MCC: variants seen among roughly 807,000 people sequenced by gnomAD.
MCC encodes MCC regulator of Wnt signaling pathway.
In MCC, 90 loss-of-function variants were observed where a neutral mutation model predicts 116.2. The observed-to-expected ratio is 0.77, with a 90% CI of 0.65 to 0.92. The LOEUF (loss-of-function observed/expected upper bound fraction) is 0.92, where lower values mean the gene tolerates loss of function less well. MCC is among the 40% of genes least tolerant of loss of function. MCC has a pLI of 0.00. For synonymous variants in MCC, 578 were observed against 510.5 expected, an observed-to-expected ratio of 1.13 and a Z score of -1.78; for missense variants, 1,516 against 1,312.2, an observed-to-expected ratio of 1.16 and a Z score of -2.40.
intron 12 of MCC, among the ~76,000 whole-genome samples, chr5:113,069,743 G>C (rs1257126151): frequency 6.6e-6 from 1 of 152,106 alleles, no homozygotes; most frequent in Non-Finnish European, 1.5e-5. Flanking sequence ...CACCATGCCT[G>C]GCTAACTTTT....
At chr5:113,090,467 T>C (rs991968871) in intron 8 of MCC, among the ~76,000 whole-genome samples, 1 of 151,792 alleles carries the variant, frequency 6.6e-6, no homozygotes, top group African/African-American at 2.4e-5. Context: ...GAGACCTCAA[T>C]AAATAATAGT....
At chr5:113,162,283 G>A (rs1760531937) in intron 3 of MCC, among the ~76,000 whole-genome samples, 1 of 152,144 alleles carries the variant, frequency 6.6e-6, no homozygotes. Flanking sequence ...AAGGACATAG[G>A]CTTTGTCAAA....
intron 1 of MCC, among the ~76,000 whole-genome samples, chr5:113,423,391 A>G (rs1770392807): frequency 6.6e-6 from 1 of 152,238 alleles, no homozygotes; most frequent in African/African-American, 2.4e-5. Flanking sequence ...GAACCTATAC[A>G]TAACACAAAG....
At chr5:113,038,984 C>T (rs998986799) in intron 17 of MCC, among the ~76,000 whole-genome samples, 5 of 152,080 alleles carry the variant, frequency 3.3e-5, no homozygotes, top group African/African-American at 7.2e-5. Flanking sequence ...CCTGGATGGT[C>T]GGTGACTAAA....
chr5:113,364,416 C>A (rs1207896588), intron 2 of MCC, among the ~76,000 whole-genome samples: 4 of 152,200 alleles, frequency 2.6e-5, no homozygotes, highest in African/African-American at 9.6e-5. Flanking sequence ...AGGCCTTGGG[C>A]AGCTCTGCCC....
chr5:113,063,918 A>G, intron 14 of MCC, 66 bp downstream of exon 14: 1 of 1,507,212 alleles, frequency 6.6e-7, no homozygotes, highest in Non-Finnish European at 9.0e-7. Context: ...GTCACTGCAC[A>G]CCAAGTCCAG....
chr5:113,066,506 G>C (rs557964152), intron 13 of MCC, among the ~76,000 whole-genome samples: 1 of 152,164 alleles, frequency 6.6e-6, no homozygotes, highest in Non-Finnish European at 1.5e-5. Flanking sequence ...ACCAGAGGGA[G>C]GATCAGAGCA....
chr5:113,110,988 T>A (rs577832399), intron 6 of MCC, among the ~76,000 whole-genome samples: 4 of 152,168 alleles, frequency 2.6e-5, no homozygotes, highest in Non-Finnish European at 5.9e-5. Context: ...GCTCCTCTGC[T>A]CTGCCCGCCT....
Position 113,201,176 on chromosome 5 carries a change from G to A in MCC, c.628-49754C>T, listed in dbSNP as rs183489652. 3.9e-5 allele frequency among the ~76,000 whole-genome samples: 6 copies of A among 152,058 alleles called. No individual in the cohort carries two copies. In the South Asian group the frequency reaches 8.3e-4, roughly 21 times the overall value. On this transcript the variant is annotated intron_variant, in intron 3 of 18. Transcript: ENST00000408903. ...CGAGATGGGAGGATCACCTGAGGTC[G>A]GGAATTTGGGACCAGTCTGACCAAC...
chr5:113,090,605 A>T (rs879571711), intron 8 of MCC, among the ~76,000 whole-genome samples: 2 of 152,186 alleles, frequency 1.3e-5, no homozygotes, highest in Non-Finnish European at 2.9e-5. Flanking sequence ...GACACAGAAT[A>T]AAAAAAGTCT....
chr5:113,072,339 G>A (rs1039290942), intron 11 of MCC, among the ~76,000 whole-genome samples: 1 of 152,186 alleles, frequency 6.6e-6, no homozygotes, highest in Non-Finnish European at 1.5e-5. Context: ...GCCATTCCAA[G>A]GTCACTTCAA....
At chr5:113,433,742 G>A in intron 1 of MCC, 1 of 1,611,410 alleles carries the variant, frequency 6.2e-7, no homozygotes, top group African/African-American at 1.3e-5. Context: ...AAGCTCACTG[G>A]GCCCGCGTCT....
intron 1 of MCC, chr5:113,435,856 T>G (rs1010416541): frequency 1.3e-5 from 2 of 152,920 alleles, no homozygotes; most frequent in Non-Finnish European, 2.9e-5. Context: ...GGGGCCTGGA[T>G]GCCACCCTGA....
chr5:113,461,120 G>C (rs958510855), intron 1 of MCC, among the ~76,000 whole-genome samples: 2 of 152,098 alleles, frequency 1.3e-5, no homozygotes, highest in African/African-American at 4.8e-5. Context: ...AATCAGTCAG[G>C]CATGGTGGTG....
chr5:113,433,518 T>A (rs1269238877), intron 1 of MCC: 1 of 619,090 alleles, frequency 1.6e-6, no homozygotes, highest in African/African-American at 1.9e-5. Context: ...GGAGTAGGAG[T>A]CGCACGACTG....
intron 8 of MCC, among the ~76,000 whole-genome samples, chr5:113,095,639 C>T (rs547700283): frequency 6.6e-6 from 1 of 152,098 alleles, no homozygotes; most frequent in African/African-American, 2.4e-5. Flanking sequence ...CCCACCTCAG[C>T]CCCCGAGTAG....
rs529519141 is a variant in MCC at position 113,155,309 on chromosome 5, G to A, written c.628-3887C>T. Among the ~76,000 whole-genome samples, 6 of 152,250 alleles carry A rather than the reference G, an allele frequency of 3.9e-5. No homozygotes were observed. In the East Asian group the frequency reaches 1.2e-3, roughly 29 times the overall value. On this transcript the variant is annotated intron_variant, in intron 3 of 18. Transcript: ENST00000408903. Reference sequence around the variant, plus strand: ...GCTGATGCACACTTAGGTCGATTCCGTATCTTGGCTATTGTAAACAGTGCT... The same window carrying A: ...GCTGATGCACACTTAGGTCGATTCCATATCTTGGCTATTGTAAACAGTGCT...
intron 3 of MCC, among the ~76,000 whole-genome samples, chr5:113,271,441 T>A (rs749592709): frequency 3.3e-5 from 5 of 152,252 alleles, no homozygotes; most frequent in Admixed American, 1.3e-4. Context: ...AGGTTCCTTA[T>A]GATCAGTCAT....
intron 5 of MCC, among the ~76,000 whole-genome samples, chr5:113,126,854 T>C (rs996360403): frequency 6.6e-6 from 1 of 152,152 alleles, no homozygotes; most frequent in African/African-American, 2.4e-5. Flanking sequence ...TTGGTGCCAC[T>C]ATCCCTCATA....
Sources: allele counts gnomAD v4.1 joint callset (sites outside exome capture counted in the v4.1 genomes callset), GRCh38; gene constraint gnomAD v4.1.1; transcripts MANE v1.5; gene names NCBI Gene and HGNC (gene_info 2026-07-23, HGNC 2026-07-21).